The following DNER variants were observed in gnomAD, a reference collection of about 807,000 sequenced individuals.
DNER encodes delta and Notch-like epidermal growth factor-related receptor.
A neutral mutation model predicts 78.2 loss-of-function variants in DNER; 33 were observed. The ratio of observed to expected loss-of-function variants is 0.42; its 90% CI spans 0.32 to 0.56. The LOEUF is 0.56. Ranked by LOEUF, DNER falls within the 20% of genes least tolerant of loss-of-function variation. The pLI is 0.11. For missense variants in DNER, 918 were observed against 975.3 expected, an observed-to-expected ratio of 0.94 and a Z score of 0.78; for synonymous variants, 417 against 384.8, an observed-to-expected ratio of 1.08 and a Z score of -0.98.
At chr2:229,563,599 C>G (rs890136618) in intron 4 of DNER, among the ~76,000 whole-genome samples, 1 of 147,474 alleles carries the variant, frequency 6.8e-6, no homozygotes, top group Admixed American at 6.8e-5. Flanking sequence ...AACATCATCA[C>G]CCCATCACCA....
chr2:229,559,785 C>T (rs1696921941), intron 4 of DNER, among the ~76,000 whole-genome samples: 1 of 152,100 alleles, frequency 6.6e-6, no homozygotes, highest in African/African-American at 2.4e-5. Flanking sequence ...CTGTTAACAC[C>T]CTTGAGTAAC....
Position 229,591,568 on chromosome 2 carries a change from T to C in DNER, c.585+12A>G. 6.2e-7 allele frequency: 1 copy of C among 1,610,350 alleles called. No homozygotes were observed. Among genetic ancestry groups the C allele is most frequent in the African/African-American group, 1.3e-5 (1 of 74,980 alleles). On this transcript the variant is annotated intron_variant, in intron 2 of 12. Coordinates refer to ENST00000341772, the MANE Select transcript of DNER (RefSeq NM_139072.4). This position sits in a 1 kb window ranked among gnomAD's most constrained non-coding sequence, Gnocchi z 4.6. Reference sequence around the variant, plus strand: ...TTCTAATGTAAAAATGCACATGATATAACGTTCTCACCTCCACTTGATCCC... The same window carrying C: ...TTCTAATGTAAAAATGCACATGATACAACGTTCTCACCTCCACTTGATCCC...
chr2:229,437,638 C>T (rs983942258), intron 8 of DNER, among the ~76,000 whole-genome samples: 3 of 152,202 alleles, frequency 2.0e-5, no homozygotes, highest in Non-Finnish European at 4.4e-5. Context: ...GTTTCCAATC[C>T]TCCATGATTG....
intron 1 of DNER, among the ~76,000 whole-genome samples, chr2:229,598,757 A>G (rs527359950): frequency 2.6e-5 from 4 of 152,262 alleles, no homozygotes; most frequent in African/African-American, 9.6e-5. Flanking sequence ...AAATGGAGCC[A>G]GCTGAGCAAG....
intron 11 of DNER, among the ~76,000 whole-genome samples, chr2:229,381,870 T>C (rs1008916209): frequency 1.3e-5 from 2 of 152,132 alleles, no homozygotes; most frequent in Admixed American, 1.3e-4. Context: ...ACTTAAATGT[T>C]CCTGCCTGCC....
At chr2:229,642,981 T>G (rs979190860) in intron 1 of DNER, among the ~76,000 whole-genome samples, 4 of 152,132 alleles carry the variant, frequency 2.6e-5, no homozygotes, top group Non-Finnish European at 5.9e-5. Context: ...CCCAGCACTT[T>G]GGGAGGCGGG....
chr2:229,388,381 A>C lies in DNER; in HGVS notation c.1739T>G (p.Ile580Ser), dbSNP rs763324502. The C allele has an allele frequency of 1.9e-6, 3 of 1,610,140 alleles. No individual in the cohort carries two copies. The highest frequency in any genetic ancestry group is 2.5e-6 in the Non-Finnish European group (3 of 1,178,154). ...APGFTGEECD[I>S]DINECDSNPC... ...GTTACTGTCACATTCATTTATGTCA[A>C]TGTCGCACTCTTCACCTAGGGAGAT... Residue 580 changes from isoleucine to serine, a missense_variant, in exon 11 of 13, where the codon ATT (isoleucine) becomes AGT (serine). Physicochemically the swap from Ile to Ser is moderately radical, Grantham distance 142. Coordinates refer to ENST00000341772, the MANE Select transcript of DNER (RefSeq NM_139072.4).
chr2:229,678,659 A>C (rs1043072211), intron 1 of DNER, among the ~76,000 whole-genome samples: 1 of 152,176 alleles, frequency 6.6e-6, no homozygotes. Context: ...CCCGCCCTAT[A>C]TGATCTCATG....
At chr2:229,523,963 A>G (rs890893364) in intron 5 of DNER, among the ~76,000 whole-genome samples, 1 of 152,246 alleles carries the variant, frequency 6.6e-6, no homozygotes, top group South Asian at 2.1e-4. Context: ...CAGGCCTTCA[A>G]TAAATGCCAG....
At chr2:229,624,822 C>T (rs1435707308) in intron 1 of DNER, among the ~76,000 whole-genome samples, 1 of 152,190 alleles carries the variant, frequency 6.6e-6, no homozygotes, top group Non-Finnish European at 1.5e-5. Context: ...TATTTGTGTA[C>T]ATTTCTGGAG....
At chr2:229,586,589 A>G in intron 3 of DNER, 1 of 890,212 alleles carries the variant, frequency 1.1e-6, no homozygotes, top group Non-Finnish European at 1.3e-6. Flanking sequence ...ATGTCACAGA[A>G]AGCCCATCAA....
chr2:229,471,993 TGA>T (rs1481555139), intron 7 of DNER, among the ~76,000 whole-genome samples: 9 of 152,326 alleles, frequency 5.9e-5, no homozygotes, highest in Admixed American at 4.6e-4. Flanking sequence ...TCCTTGGCTA[TGA>T]GAGTTTCCAG....
At chr2:229,472,557 C>T (rs1014228032) in intron 7 of DNER, among the ~76,000 whole-genome samples, 1 of 151,980 alleles carries the variant, frequency 6.6e-6, no homozygotes, top group Non-Finnish European at 1.5e-5. Context: ...TTTAAATATA[C>T]ATATTTAAAT....
chr2:229,669,144 C>T (rs1699163005), intron 1 of DNER, among the ~76,000 whole-genome samples: 1 of 152,068 alleles, frequency 6.6e-6, no homozygotes, highest in African/African-American at 2.4e-5. Flanking sequence ...CATGTTCTCA[C>T]TCACAAGTGG....
chr2:229,484,827 T>A (rs1414170275), intron 6 of DNER, among the ~76,000 whole-genome samples: 2 of 152,236 alleles, frequency 1.3e-5, no homozygotes, highest in African/African-American at 4.8e-5. Flanking sequence ...TCCTTCAGAC[T>A]ATAAACCTTT....
At chr2:229,538,424 G>A (rs1696452861) in intron 5 of DNER, among the ~76,000 whole-genome samples, 1 of 152,120 alleles carries the variant, frequency 6.6e-6, no homozygotes, top group African/African-American at 2.4e-5. Flanking sequence ...GAGTGCAATG[G>A]TGCAATCTCG....
chr2:229,477,368 T>TA, intron 6 of DNER, 115 bp from the exon 7 acceptor site: 3 of 607,046 alleles, frequency 4.9e-6, no homozygotes, highest in Non-Finnish European at 8.5e-6. Context: ...GTGGCAGCCT[T>TA]CAGCTAAGCT....
chr2:229,426,999 AT>A (rs1180056449), intron 8 of DNER, among the ~76,000 whole-genome samples: 3 of 152,212 alleles, frequency 2.0e-5, no homozygotes, highest in Admixed American at 6.5e-5. Flanking sequence ...TTATCCTTTT[AT>A]TGCTCATGGC....
chr2:229,622,034 C>G (rs181280659), intron 1 of DNER, among the ~76,000 whole-genome samples: 4 of 152,084 alleles, frequency 2.6e-5, no homozygotes, highest in African/African-American at 7.2e-5. Context: ...TGCAGTGAGC[C>G]GAGATCGCGC....
Sources: gnomAD v4.1 joint callset for allele counts (sites outside exome capture counted in the v4.1 genomes callset) on GRCh38, gnomAD v4.1.1 for gene constraint, Gnocchi (gnomAD v3.1) non-coding constraint, MANE v1.5 for transcripts, NCBI Gene and HGNC (gene_info 2026-07-23, HGNC 2026-07-21) for gene names.